GALNT13: variants seen among roughly 807,000 people sequenced by gnomAD.
GALNT13 encodes the protein polypeptide N-acetylgalactosaminyltransferase 13, also known as UDP-GalNAc:polypeptide N-acetylgalactosaminyltransferase 13.
In GALNT13, 28 loss-of-function variants were observed where a neutral mutation model predicts 64.2. The observed-to-expected ratio is 0.44, with a 90% confidence interval of 0.32 to 0.60. The LOEUF (loss-of-function observed/expected upper bound fraction) is 0.60, where lower values mean the gene tolerates loss of function less well. Among genes scored for constraint, GALNT13 ranks in the 20% least tolerant of loss-of-function variants. GALNT13 has a pLI of 0.05. For missense variants in GALNT13, 577 were observed against 669.8 expected (o/e 0.86, Z 1.53); for synonymous variants, 214 against 224.6 (o/e 0.95, Z 0.42).
the GALNT13 span, among the ~76,000 whole-genome samples, chr2:153,746,347 G>C: frequency 6.6e-6 from 1 of 152,120 alleles, no homozygotes; most frequent in African/African-American, 2.4e-5. Flanking sequence ...GATTGGTTTT[G>C]TTGTGAAACA....
chr2:153,526,939 G>C, the GALNT13 span, among the ~76,000 whole-genome samples: 1 of 152,050 alleles, frequency 6.6e-6, no homozygotes, highest in Non-Finnish European at 1.5e-5. Flanking sequence ...TAGCAGAACT[G>C]AGCAGAAGAA....
the GALNT13 span, among the ~76,000 whole-genome samples, chr2:153,650,346 G>T: frequency 2.0e-5 from 3 of 151,970 alleles, no homozygotes; most frequent in African/African-American, 7.3e-5. Context: ...TTTATTTTGA[G>T]CCTATGTGTG....
chr2:154,070,697 C>T (rs1382621758), intron 3 of GALNT13, among the ~76,000 whole-genome samples: 2 of 151,928 alleles, frequency 1.3e-5, no homozygotes, highest in African/African-American at 2.4e-5. Flanking sequence ...GCAGGCAGAT[C>T]ACTTGAGGTC....
chr2:154,011,127 T>G (rs999805278), intron 3 of GALNT13, among the ~76,000 whole-genome samples: 1 of 152,128 alleles, frequency 6.6e-6, no homozygotes, highest in African/African-American at 2.4e-5. Context: ...ATTTCTTTTC[T>G]TTTGCTAGTT....
chr2:153,537,917 TA>T, the GALNT13 span, among the ~76,000 whole-genome samples: 1 of 152,210 alleles, frequency 6.6e-6, no homozygotes, highest in African/African-American at 2.4e-5. Context: ...CAGTTCTTTA[TA>T]GCAGCATGTG....
At chr2:153,651,205 A>G in the GALNT13 span, among the ~76,000 whole-genome samples, 1 of 152,198 alleles carries the variant, frequency 6.6e-6, no homozygotes, top group Non-Finnish European at 1.5e-5. Flanking sequence ...AAGAAGCAGA[A>G]GTGTTGGGAT....
chr2:153,202,761 TGTAAATA>T, the GALNT13 span, among the ~76,000 whole-genome samples: 1 of 152,168 alleles, frequency 6.6e-6, no homozygotes, highest in Non-Finnish European at 1.5e-5. Flanking sequence ...TCAGAATAGG[TGTAAATA>T]GTAAAATATT....
chr2:154,007,386 A>C (rs1696329269), intron 3 of GALNT13, among the ~76,000 whole-genome samples: 1 of 152,058 alleles, frequency 6.6e-6, no homozygotes, highest in Non-Finnish European at 1.5e-5. Flanking sequence ...GATGGCATTG[A>C]TAAACTGCCC....
At chr2:154,190,379 C>T (rs1427080123) in intron 4 of GALNT13, among the ~76,000 whole-genome samples, 1 of 152,142 alleles carries the variant, frequency 6.6e-6, no homozygotes, top group African/African-American at 2.4e-5. Context: ...TGTAGCTCTC[C>T]TTAGAATCAC....
intron 11 of GALNT13, among the ~76,000 whole-genome samples, chr2:154,417,286 A>AAG: frequency 6.7e-6 from 1 of 149,554 alleles, no homozygotes; most frequent in South Asian, 2.1e-4. Flanking sequence ...AAGCACCAAA[A>AAG]AAAAAAAAAA....
chr2:154,362,819 T>G (rs965027229), intron 9 of GALNT13, among the ~76,000 whole-genome samples: 1 of 152,172 alleles, frequency 6.6e-6, no homozygotes, highest in Non-Finnish European at 1.5e-5. Context: ...TCTCCCCACA[T>G]TCATTTTCAT....
the GALNT13 span, among the ~76,000 whole-genome samples, chr2:153,473,167 C>T: frequency 2.0e-5 from 3 of 151,822 alleles, 1 homozygote; most frequent in Non-Finnish European, 4.4e-5. Flanking sequence ...GCACATGTAC[C>T]CCAAAACTTA....
At chr2:153,942,895 C>G (rs969347208) in intron 2 of GALNT13, among the ~76,000 whole-genome samples, 3 of 152,116 alleles carry the variant, frequency 2.0e-5, no homozygotes, top group Non-Finnish European at 4.4e-5. Flanking sequence ...AGAGCTTGTG[C>G]TCATCAAATT....
the GALNT13 span, among the ~76,000 whole-genome samples, chr2:153,834,314 G>T: frequency 6.6e-6 from 1 of 151,996 alleles, no homozygotes; most frequent in Non-Finnish European, 1.5e-5. Flanking sequence ...AATGAAGGAG[G>T]CCAGATTAAA....
chr2:153,518,501 C>A, the GALNT13 span, among the ~76,000 whole-genome samples: 10 of 152,128 alleles, frequency 6.6e-5, no homozygotes, highest in African/African-American at 2.4e-4. Context: ...AACAAAGTCA[C>A]AAGACATGGG....
chr2:153,257,926 A>G, the GALNT13 span, among the ~76,000 whole-genome samples: 1 of 152,172 alleles, frequency 6.6e-6, no homozygotes, highest in African/African-American at 2.4e-5. Flanking sequence ...CCTTGGGAAA[A>G]CTGGTCTCAT....
At chr2:154,034,753 T>TCCATTTA (rs1698554444) in intron 3 of GALNT13, among the ~76,000 whole-genome samples, 2 of 152,140 alleles carry the variant, frequency 1.3e-5, no homozygotes, top group African/African-American at 2.4e-5. Flanking sequence ...TTCATCTGTG[T>TCCATTTA]TGATACAAAA....
the GALNT13 span, among the ~76,000 whole-genome samples, chr2:153,326,931 A>G: frequency 6.6e-6 from 1 of 152,080 alleles, no homozygotes; most frequent in Non-Finnish European, 1.5e-5. Context: ...TAAAAATACG[A>G]AAATTAGCTG....
chr2:153,708,210 A>G, the GALNT13 span, among the ~76,000 whole-genome samples: 1 of 152,144 alleles, frequency 6.6e-6, no homozygotes, highest in African/African-American at 2.4e-5. Flanking sequence ...GACTAGAAGA[A>G]AACTACTGGT....
Sources: gnomAD v4.1 joint callset for allele counts (sites outside exome capture counted in the v4.1 genomes callset) on GRCh38, gnomAD v4.1.1 for gene constraint, MANE v1.5 for transcripts, NCBI Gene and HGNC (gene_info 2026-07-23, HGNC 2026-07-21) for gene names.